Variants in CCDC91 observed in about 807,000 individuals in gnomAD.
The protein encoded by CCDC91 is coiled-coil domain containing 91.
A neutral mutation model predicts 63.2 loss-of-function variants in CCDC91; 48 were observed. The ratio of observed to expected loss-of-function variants is 0.76; its 90% CI spans 0.60 to 0.97. The LOEUF (loss-of-function observed/expected upper bound fraction) is 0.97, where lower values mean the gene tolerates loss of function less well. CCDC91 is among the 50% of genes least tolerant of loss of function. The probability of loss-of-function intolerance (pLI) is 0.00; values close to 1 mark genes in which losing one functional copy is unlikely to be tolerated. For synonymous variants in CCDC91, 167 were observed against 165.8 expected (o/e 1.01, Z -0.06); for missense variants, 500 against 494.6 (o/e 1.01, Z -0.10).
intron 3 of CCDC91, among the ~76,000 whole-genome samples, chr12:28,276,040 C>G (rs1254625365): frequency 1.3e-5 from 2 of 152,074 alleles, no homozygotes; most frequent in African/African-American, 2.4e-5. Context: ...AAACTGGAAG[C>G]ATTCCCTTTG....
intron 12 of CCDC91, among the ~76,000 whole-genome samples, chr12:28,511,939 A>C (rs1939421750): frequency 1.3e-5 from 2 of 151,892 alleles, no homozygotes; most frequent in Non-Finnish European, 2.9e-5. Flanking sequence ...TCATGTTTTC[A>C]ATGAAGTAAA....
At chr12:28,421,835 C>T (rs1218206235) in intron 8 of CCDC91, among the ~76,000 whole-genome samples, 1 of 152,112 alleles carries the variant, frequency 6.6e-6, no homozygotes, top group East Asian at 1.9e-4. Flanking sequence ...TTCCTTTATC[C>T]TTCTTCCTAT....
chr12:28,405,909 T>C (rs1946905731), intron 8 of CCDC91, among the ~76,000 whole-genome samples: 1 of 152,136 alleles, frequency 6.6e-6, no homozygotes, highest in Non-Finnish European at 1.5e-5. Flanking sequence ...CATATAGTTA[T>C]AATGTCTATG....
intron 8 of CCDC91, among the ~76,000 whole-genome samples, chr12:28,413,818 A>G (rs540904545): frequency 5.9e-5 from 9 of 152,358 alleles, no homozygotes; most frequent in African/African-American, 1.4e-4. Flanking sequence ...TTCAAATTCA[A>G]TAGTTTAACT....
At chr12:28,407,232 C>A (rs1947008477) in intron 8 of CCDC91, among the ~76,000 whole-genome samples, 1 of 152,100 alleles carries the variant, frequency 6.6e-6, no homozygotes, top group Non-Finnish European at 1.5e-5. Context: ...GAACAGCGAG[C>A]CCATTAAACC....
intron 1 of CCDC91, among the ~76,000 whole-genome samples, chr12:28,252,681 T>A (rs1224379135): frequency 6.6e-6 from 1 of 152,122 alleles, no homozygotes; most frequent in African/African-American, 2.4e-5. Context: ...ATGGTTTTGT[T>A]TTTTTCTTTC....
At chr12:28,312,931 CT>C (rs1312127102) in intron 6 of CCDC91, among the ~76,000 whole-genome samples, 3 of 152,154 alleles carry the variant, frequency 2.0e-5, no homozygotes, top group African/African-American at 7.2e-5. Context: ...CATTAAACCT[CT>C]TTCTTTTATA....
chr12:28,421,478 A>C (rs906563962), intron 8 of CCDC91, among the ~76,000 whole-genome samples: 2 of 151,540 alleles, frequency 1.3e-5, no homozygotes, highest in Admixed American at 6.6e-5. Context: ...TTCAGTCCCT[A>C]GTTAGATTGC....
intron 12 of CCDC91, among the ~76,000 whole-genome samples, chr12:28,537,507 A>T (rs896949127): frequency 1.3e-5 from 2 of 152,168 alleles, no homozygotes; most frequent in African/African-American, 4.8e-5. Context: ...GTTGTAACAG[A>T]TATGCACAGT....
intron 7 of CCDC91, among the ~76,000 whole-genome samples, chr12:28,384,729 T>G (rs757454121): frequency 6.6e-5 from 10 of 152,114 alleles, no homozygotes; most frequent in Non-Finnish European, 1.0e-4. Context: ...ATTTTTTTTT[T>G]GTACCACTGT....
intron 7 of CCDC91, among the ~76,000 whole-genome samples, chr12:28,387,746 T>A (rs1260466881): frequency 6.6e-6 from 1 of 152,194 alleles, no homozygotes; most frequent in African/African-American, 2.4e-5. Flanking sequence ...TGAGTACTAT[T>A]CCATCATATA....
intron 3 of CCDC91, among the ~76,000 whole-genome samples, chr12:28,289,317 T>C (rs1949079099): frequency 6.6e-6 from 1 of 152,148 alleles, no homozygotes; most frequent in African/African-American, 2.4e-5. Flanking sequence ...TGTGGACATT[T>C]AGTGCTATAA....
At chr12:28,242,510 T>A (rs908079492) in intron 1 of CCDC91, among the ~76,000 whole-genome samples, 1 of 151,974 alleles carries the variant, frequency 6.6e-6, no homozygotes, top group African/African-American at 2.4e-5. Flanking sequence ...GAGGGCAGCA[T>A]GTTTCTCAGG....
chr12:28,512,585 C>T (rs1348761279), intron 12 of CCDC91, among the ~76,000 whole-genome samples: 2 of 151,806 alleles, frequency 1.3e-5, no homozygotes, highest in African/African-American at 2.4e-5. Flanking sequence ...CATTTATTTA[C>T]GTATTATTTA....
chr12:28,319,339 T>G (rs1373648034), intron 6 of CCDC91: 2 of 151,988 alleles, frequency 1.3e-5, no homozygotes, highest in African/African-American at 4.8e-5. Context: ...AAAGTCCACC[T>G]TAAGTTTAGG....
intron 12 of CCDC91, among the ~76,000 whole-genome samples, chr12:28,504,002 G>A (rs934006120): frequency 6.6e-6 from 1 of 151,796 alleles, no homozygotes. Context: ...GAGTTAATGG[G>A]TACAGCACAC....
At chr12:28,383,924 T>C (rs1263656717) in intron 7 of CCDC91, among the ~76,000 whole-genome samples, 1 of 152,144 alleles carries the variant, frequency 6.6e-6, no homozygotes, top group African/African-American at 2.4e-5. Context: ...GTATGCATAA[T>C]TAAATCAAGC....
intron 1 of CCDC91, among the ~76,000 whole-genome samples, chr12:28,245,695 A>G (rs1945685565): frequency 1.3e-5 from 2 of 152,194 alleles, no homozygotes; most frequent in African/African-American, 4.8e-5. Context: ...GAGGAACCAC[A>G]TATCATTGAT....
chr12:28,492,000 A>G (rs1015418484), intron 12 of CCDC91, among the ~76,000 whole-genome samples: 2 of 150,794 alleles, frequency 1.3e-5, no homozygotes, highest in East Asian at 2.0e-4. Flanking sequence ...AAGGACCTCT[A>G]TTTGTGAGCC....
Sources: gnomAD v4.1 joint callset for allele counts (sites outside exome capture counted in the v4.1 genomes callset) on GRCh38, gnomAD v4.1.1 for gene constraint, MANE v1.5 for transcripts, NCBI Gene and HGNC (gene_info 2026-07-23, HGNC 2026-07-21) for gene names.